Variants in MCMBP observed in about 807,000 individuals in gnomAD.
MCMBP encodes the protein mini-chromosome maintenance complex-binding protein.
Under a neutral mutation model 81.3 loss-of-function variants are expected in MCMBP, and 31 were observed. The observed-to-expected ratio is 0.38, with a 90% CI of 0.29 to 0.51. MCMBP has a LOEUF of 0.51. MCMBP is among the 20% of genes least tolerant of loss of function. MCMBP has a pLI of 0.87. For missense variants in MCMBP, 645 were observed against 772.1 expected (o/e 0.84, Z 1.95); for synonymous variants, 267 against 275.9 (o/e 0.97, Z 0.32).
Position 119,832,004 on chromosome 10 carries a change from C to T in MCMBP, c.1796+8G>A, listed in dbSNP as rs746407283. On this transcript the variant is annotated splice_region_variant and intron_variant, in intron 15 of 15. Coordinates refer to ENST00000369077, the MANE Select transcript of MCMBP (RefSeq NM_001256378.2). ...CCGAAACAGCAATAATGGACGTGCGCCACTTACCGAGCCACCACGAGCAGC... is the reference window on the plus strand; with the variant it reads ...CCGAAACAGCAATAATGGACGTGCGTCACTTACCGAGCCACCACGAGCAGC... 1 of 1,606,888 alleles carries T rather than the reference C, an allele frequency of 6.2e-7. No homozygotes were observed. The highest frequency in any genetic ancestry group is 8.5e-7 in the Non-Finnish European group (1 of 1,177,364).
At chr10:119,839,369 A>G (rs920572093) in intron 11 of MCMBP, among the ~76,000 whole-genome samples, 2 of 152,064 alleles carry the variant, frequency 1.3e-5, no homozygotes, top group Non-Finnish European at 2.9e-5. Context: ...GCCTCAAACA[A>G]TGTGGCAGGG....
chr10:119,851,186 C>T (rs557199422), intron 6 of MCMBP, among the ~76,000 whole-genome samples: 170 of 152,142 alleles, frequency 1.1e-3, no homozygotes, highest in Non-Finnish European at 2.0e-3. Flanking sequence ...TTATTTCTTA[C>T]AACTGCATGT....
intron 10 of MCMBP, 56 bp from the exon 11 acceptor site, chr10:119,841,016 C>A: frequency 3.0e-6 from 3 of 1,014,810 alleles, no homozygotes; most frequent in African/African-American, 1.6e-5. Context: ...TGATTTCTAT[C>A]AAATAGCGAA....
rs1226536081 is a variant in MCMBP at position 119,859,131 on chromosome 10, A to T, written c.195T>A (p.Phe65Leu). ...CCTGAATCATGCAACGAAATTTCACAAAACTATTAGGTTTCAAATAATGAA... is the reference window on the plus strand; with the variant it reads ...CCTGAATCATGCAACGAAATTTCACTAAACTATTAGGTTTCAAATAATGAA... ...VPLHYLKPNS[F>L]VKFRCMIQDM... Residue 65 changes from phenylalanine to leucine, a missense_variant, in exon 3 of 16, where the codon TTT becomes TTA. Phe to Leu is a conservative substitution (Grantham distance 22). Coordinates refer to ENST00000369077, the MANE Select transcript of MCMBP (RefSeq NM_001256378.2). 6.2e-7 allele frequency: 1 copy of T among 1,613,872 alleles called. No individual in the cohort carries two copies. Among genetic ancestry groups the T allele is most frequent in the Admixed American group, 1.7e-5 (1 of 59,994 alleles).
intron 11 of MCMBP, among the ~76,000 whole-genome samples, chr10:119,840,616 A>T (rs1852399762): frequency 6.6e-6 from 1 of 152,250 alleles, no homozygotes; most frequent in Non-Finnish European, 1.5e-5. Context: ...GAGTTACTAC[A>T]ATTGTTTTGT....
intron 7 of MCMBP, among the ~76,000 whole-genome samples, 152 bp downstream of exon 7, chr10:119,849,270 TAAG>T (rs1852726342): frequency 1.3e-5 from 2 of 152,330 alleles, no homozygotes; most frequent in South Asian, 4.1e-4. Context: ...CTAAAGCCTG[TAAG>T]ATGATAAACT....
chr10:119,864,243 A>G (rs1223325948), intron 1 of MCMBP, among the ~76,000 whole-genome samples: 2 of 152,244 alleles, frequency 1.3e-5, no homozygotes, highest in Admixed American at 6.5e-5. Flanking sequence ...CAACAATTTG[A>G]TTTTATCCCA....
intron 12 of MCMBP, 144 bp from the exon 13 acceptor site, chr10:119,837,173 T>C: frequency 1.3e-6 from 1 of 781,840 alleles, no homozygotes. Context: ...AAGCTAAACG[T>C]CACTAAGTGT....
At chr10:119,869,297 G>A (rs541959201) in intron 1 of MCMBP, among the ~76,000 whole-genome samples, 20 of 152,272 alleles carry the variant, frequency 1.3e-4, no homozygotes, top group African/African-American at 4.1e-4. Context: ...TTAGCGGCTC[G>A]GTGTGGTGGC....
rs544987939 is a variant in MCMBP at position 119,832,002 on chromosome 10, C to T, written c.1796+10G>A. On this transcript the variant is annotated intron_variant, in intron 15 of 15. Coordinates refer to ENST00000369077, the MANE Select transcript of MCMBP (RefSeq NM_001256378.2). The stretch of plus-strand genomic sequence containing the variant: ...TACCGAAACAGCAATAATGGACGTG[C>T]GCCACTTACCGAGCCACCACGAGCA... 19 of 1,605,294 alleles carry T rather than the reference C, an allele frequency of 1.2e-5. No individual in the cohort carries two copies. Among genetic ancestry groups the T allele is most frequent in the East Asian group, 6.7e-5 (3 of 44,668 alleles).
At chr10:119,834,663 AACAC>A (rs139712919) in intron 14 of MCMBP, among the ~76,000 whole-genome samples, 3 of 151,100 alleles carry the variant, frequency 2.0e-5, no homozygotes, top group Non-Finnish European at 4.4e-5. Flanking sequence ...CACACACACA[AACAC>A]ACACACACAC....
chr10:119,847,881 A>G (rs1378245834), intron 7 of MCMBP, among the ~76,000 whole-genome samples, 168 bp from the exon 8 acceptor site: 1 of 152,154 alleles, frequency 6.6e-6, no homozygotes, highest in Non-Finnish European at 1.5e-5. Context: ...TCTGCTAGTT[A>G]GCAAATAAGT....
chr10:119,842,846 C>T, intron 9 of MCMBP: 2 of 393,346 alleles, frequency 5.1e-6, no homozygotes, highest in South Asian at 4.7e-5. Context: ...CTCACCGCAA[C>T]CTCTGCCTCC....
In MCMBP at chr10:119,859,036, C is replaced by A; in HGVS notation, c.285+5G>T. 1 of 1,613,378 alleles carries A rather than the reference C, an allele frequency of 6.2e-7. No individual in the cohort carries two copies. The highest frequency in any genetic ancestry group is 1.1e-5 in the South Asian group (1 of 91,012). On this transcript the variant is annotated splice_donor_5th_base_variant and intron_variant, in intron 3 of 15. Coordinates refer to ENST00000369077, the MANE Select transcript of MCMBP (RefSeq NM_001256378.2). The stretch of plus-strand genomic sequence containing the variant: ...CCACAAATTCATGAAAACAGCAATA[C>A]TTACATGTGCTTTTGTGTTTTGGTT...
In MCMBP at chr10:119,843,269, C is replaced by T; in HGVS notation, c.985G>A (p.Glu329Lys). 6.2e-7 allele frequency: 1 copy of T among 1,613,730 alleles called. No individual in the cohort carries two copies. Among genetic ancestry groups the T allele is most frequent in the East Asian group, 2.2e-5 (1 of 44,860 alleles). ...NPLLPACLNK[E>K]ESKTFVSSFM... ...TTACACTTACAGGTTTTGCTCTCCT[C>T]TTTGTTAAGGCAGGCAGGCAATAAT... The change falls in exon 9 of 16, where the codon GAG (glutamate) becomes AAG (lysine). Residue 329 changes from glutamate to lysine, a missense_variant. Physicochemically the swap from Glu to Lys is moderately conservative, Grantham distance 56. Coordinates refer to ENST00000369077, the MANE Select transcript of MCMBP (RefSeq NM_001256378.2).
At chr10:119,856,557 A>C (rs1295512279) in intron 5 of MCMBP, among the ~76,000 whole-genome samples, 4 of 152,200 alleles carry the variant, frequency 2.6e-5, no homozygotes, top group East Asian at 1.9e-4. Flanking sequence ...TGACTAGAAA[A>C]AGGCAGAAAG....
chr10:119,857,026 G>C (rs1321253409), intron 5 of MCMBP, among the ~76,000 whole-genome samples: 3 of 150,330 alleles, frequency 2.0e-5, no homozygotes, highest in African/African-American at 7.3e-5. Flanking sequence ...CTTGAGCCCA[G>C]GAGGTTGAAG....
chr10:119,858,684 G>GT (rs1358512222), intron 4 of MCMBP, among the ~76,000 whole-genome samples, 200 bp downstream of exon 4: 2 of 151,958 alleles, frequency 1.3e-5, no homozygotes, highest in Admixed American at 6.6e-5. Flanking sequence ...GGCATTAACA[G>GT]TATTTCCCCT....
At chr10:119,870,768 G>A (rs373783720) in intron 1 of MCMBP, among the ~76,000 whole-genome samples, 3 of 152,122 alleles carry the variant, frequency 2.0e-5, no homozygotes, top group East Asian at 3.9e-4. Flanking sequence ...ACAGTGATAC[G>A]AAAATATAGC....
Sources: gnomAD v4.1 joint callset for allele counts (sites outside exome capture counted in the v4.1 genomes callset) on GRCh38, gnomAD v4.1.1 for gene constraint, MANE v1.5 for transcripts, NCBI Gene and HGNC (gene_info 2026-07-23, HGNC 2026-07-21) for gene names.